MAP3K13: variants seen among roughly 807,000 people sequenced by gnomAD.
The protein encoded by MAP3K13 is mitogen-activated protein kinase kinase kinase 13.
Under a neutral mutation model 104.0 loss-of-function variants are expected in MAP3K13, and 52 were observed. The observed-to-expected ratio is 0.50, with a 90% CI of 0.40 to 0.63. The LOEUF is 0.63. MAP3K13 is among the 20% of genes least tolerant of loss of function. MAP3K13 has a pLI of 0.00. For synonymous variants in MAP3K13, 394 were observed against 442.2 expected (o/e 0.89, Z 1.37); for missense variants, 914 against 1,218.5 (o/e 0.75, Z 3.72).
chr3:185,463,454 A>G, intron 7 of MAP3K13, 96 bp from the exon 8 acceptor site: 1 of 675,574 alleles, frequency 1.5e-6, no homozygotes, highest in Non-Finnish European at 2.7e-6. Flanking sequence ...CTTCAGTAGA[A>G]GCATGCAGGG....
chr3:185,307,296 T>G (rs145696343), intron 2 of MAP3K13, among the ~76,000 whole-genome samples: 6 of 152,214 alleles, frequency 3.9e-5, no homozygotes, highest in Non-Finnish European at 8.8e-5. Flanking sequence ...TCTCTCTCCT[T>G]CTTTTGATAA....
chr3:185,417,968 C>T lies in MAP3K13; in HGVS notation c.-85-10529C>T, dbSNP rs1577532833. ...AGATTGTAGTTACTCTTGAGGGAAGCGGCTTTACGCCAAGTGCCATACAAT... is the reference window on the plus strand; with the variant it reads ...AGATTGTAGTTACTCTTGAGGGAAGTGGCTTTACGCCAAGTGCCATACAAT... On this transcript the variant is annotated intron_variant, in intron 1 of 13. Coordinates refer to ENST00000265026, the MANE Select transcript of MAP3K13 (RefSeq NM_004721.5). 2.1e-5 allele frequency: 33 copies of T among 1,609,082 alleles called. No individual in the cohort carries two copies. The East Asian group carries it at 6.2e-4, about 30-fold the overall frequency.
intron 1 of MAP3K13, among the ~76,000 whole-genome samples, chr3:185,371,839 G>C (rs1285596683): frequency 6.6e-6 from 1 of 152,098 alleles, no homozygotes; most frequent in Non-Finnish European, 1.5e-5. Context: ...ACTAAAGAGG[G>C]CTCAATTTGC....
At chr3:185,444,039 A>G (rs940300541) in intron 4 of MAP3K13, among the ~76,000 whole-genome samples, 4 of 152,226 alleles carry the variant, frequency 2.6e-5, no homozygotes, top group African/African-American at 9.6e-5. Flanking sequence ...AAATGGATAA[A>G]TAAGAAACAG....
chr3:185,301,000 T>G (rs1445529135), intron 2 of MAP3K13, among the ~76,000 whole-genome samples: 1 of 152,194 alleles, frequency 6.6e-6, no homozygotes, highest in Non-Finnish European at 1.5e-5. Context: ...TAATTCTATT[T>G]TTAATTTTTT....
rs2108664134 is a variant in MAP3K13 at position 185,283,677 on chromosome 3, G to T, written c.-205+650G>T. ...GTTAGTTTTGTTTTTTATGGTTATT[G>T]AAATTCAGAAATGTGTCTTAGTATT... On this transcript the variant is annotated intron_variant, in intron 1 of 14. Transcript: ENST00000424227. Among the ~76,000 whole-genome samples, 3 of 152,204 alleles carry T rather than the reference G, an allele frequency of 2.0e-5. No homozygotes were observed. In the East Asian group the frequency reaches 5.8e-4, roughly 29 times the overall value.
chr3:185,357,213 G>A (rs111346270), intron 2 of MAP3K13, among the ~76,000 whole-genome samples: 1 of 151,774 alleles, frequency 6.6e-6, no homozygotes, highest in African/African-American at 2.4e-5. Context: ...GGGAGGCCGA[G>A]GCGGGCGGAT....
chr3:185,403,121 T>C (rs1318908191), intron 1 of MAP3K13, among the ~76,000 whole-genome samples: 4 of 152,246 alleles, frequency 2.6e-5, no homozygotes, highest in Non-Finnish European at 5.9e-5. Context: ...TTGGAAATTG[T>C]TAGTAGACTG....
chr3:185,455,650 T>TGTGAC (rs1351257588), intron 7 of MAP3K13, among the ~76,000 whole-genome samples: 4 of 79,324 alleles, frequency 5.0e-5, no homozygotes, highest in South Asian at 4.1e-4. Flanking sequence ...ATATGAGATA[T>TGTGAC]ATATATGATA....
At position 185,485,883 on chromosome 3, in the gene MAP3K13, G is replaced by A. The variant is rs1718694167; in HGVS notation, c.*3427G>A. 6.6e-6 allele frequency: 1 copy of A among 152,076 alleles called. No homozygotes were observed. Among genetic ancestry groups the A allele is most frequent in the African/African-American group, 2.4e-5 (1 of 41,392 alleles). 9.4% of individuals were successfully genotyped at this position (152,076 alleles called of 1,614,324 possible). ...TAACTGTGATGTCATCCTAGAACAA[G>A]ACTAAAGAACTTTAAGAAGGAGGCC... On this transcript the variant is annotated 3_prime_UTR_variant, in exon 14 of 14. Coordinates refer to ENST00000265026, the MANE Select transcript of MAP3K13 (RefSeq NM_004721.5).
At chr3:185,311,365 A>C (rs1721489642) in intron 2 of MAP3K13, among the ~76,000 whole-genome samples, 1 of 152,164 alleles carries the variant, frequency 6.6e-6, no homozygotes, top group African/African-American at 2.4e-5. Flanking sequence ...AACCCATCAG[A>C]TCTCATAAGA....
chr3:185,455,268 TATATATGAG>T lies in MAP3K13; in HGVS notation c.1278+3889_1278+3897del, dbSNP rs1277974650. 2.8e-5 allele frequency among the ~76,000 whole-genome samples: 3 copies of T among 108,104 alleles called. 1 individual carries two copies. 70.9% of individuals were successfully genotyped at this position (108,104 alleles called of 152,430 possible). A position where few individuals can be genotyped will look rare whatever the true frequency, so the allele number is the denominator to read the frequency against. ...TATGATATATATGAGATATATGAGA[TATATATGAG>T]ATATATGAGATATATATATGAGATA... On this transcript the variant is annotated intron_variant, in intron 7 of 13. Transcript: ENST00000265026.
rs911623481 is a variant in MAP3K13, at chr3:185,449,328, G to A, written c.1011-572G>A. Among the ~76,000 whole-genome samples the A allele has an allele frequency of 5.1e-5, 7 of 138,182 alleles. No individual in the cohort carries two copies. The South Asian group carries it at 1.4e-3, about 27-fold the overall frequency. 90.7% of individuals were successfully genotyped at this position (138,182 alleles called of 152,430 possible). ...GTGGAGGTTGCAGTGAGCCAAGATC[G>A]CACCACTGCATTCCAGCCTAGGTGA... On this transcript the variant is annotated intron_variant, in intron 5 of 13. Transcript: ENST00000265026.
At chr3:185,310,721 G>A (rs1458924858) in intron 2 of MAP3K13, among the ~76,000 whole-genome samples, 1 of 152,010 alleles carries the variant, frequency 6.6e-6, no homozygotes, top group Admixed American at 6.6e-5. Context: ...AAAAAAGAGT[G>A]ATATGGAAAG....
intron 2 of MAP3K13, among the ~76,000 whole-genome samples, chr3:185,303,386 G>A (rs780472112): frequency 2.6e-5 from 4 of 152,158 alleles, no homozygotes; most frequent in Non-Finnish European, 5.9e-5. Context: ...AGTTTGAGAA[G>A]GATCAGTGTT....
rs71162293 is a variant in MAP3K13, at chr3:185,329,893, C to CTTTT, written c.-86+44268_-86+44271dup. On this transcript the variant is annotated intron_variant, in intron 2 of 14. Transcript: ENST00000424227. ...ATAAAAGGTCGAATTAGCCAGTAGCCTTTTTTTTTTTTTTTTTTTTTGAGA... is the reference window on the plus strand; with the variant it reads ...ATAAAAGGTCGAATTAGCCAGTAGCCTTTTTTTTTTTTTTTTTTTTTTTTTGAGA... 1.1e-3 allele frequency among the ~76,000 whole-genome samples: 115 copies of CTTTT among 104,656 alleles called. 3 individuals carry two copies. The highest frequency in any genetic ancestry group is 1.4e-3 in the East Asian group (5 of 3,530). The allele number at this position is 104,656 out of a possible 152,430, so 68.7% of individuals were successfully genotyped here. A position where few individuals can be genotyped will look rare whatever the true frequency, so the allele number is the denominator to read the frequency against.
intron 2 of MAP3K13, among the ~76,000 whole-genome samples, chr3:185,302,378 A>G (rs1721140080): frequency 1.3e-5 from 2 of 152,162 alleles, no homozygotes; most frequent in South Asian, 4.1e-4. Flanking sequence ...CCACTACTGC[A>G]CTCCAACCTG....
At chr3:185,471,326 T>TTTTTTTTTTTG (rs1198193068) in intron 10 of MAP3K13, among the ~76,000 whole-genome samples, 1 of 149,902 alleles carries the variant, frequency 6.7e-6, no homozygotes, top group African/African-American at 2.5e-5. Flanking sequence ...TTTTTTTTTT[T>TTTTTTTTTTTG]GTAGAGATAG....
chr3:185,398,827 A>G (rs1387360569), intron 1 of MAP3K13, among the ~76,000 whole-genome samples: 5 of 152,236 alleles, frequency 3.3e-5, no homozygotes, highest in Admixed American at 2.6e-4. Flanking sequence ...GAGTCAATAC[A>G]AATATACTCT....
Sources: allele counts gnomAD v4.1 joint callset (sites outside exome capture counted in the v4.1 genomes callset), GRCh38; gene constraint gnomAD v4.1.1; transcripts MANE v1.5; gene names NCBI Gene and HGNC (gene_info 2026-07-23, HGNC 2026-07-21).